Variants in CCDC110 observed in about 807,000 individuals in gnomAD.
The protein encoded by CCDC110 is coiled-coil domain-containing protein 110.
CCDC110 carries 70 observed loss-of-function variants against 77.1 expected under a neutral mutation model. The ratio of observed to expected loss-of-function variants is 0.91; its 90% CI spans 0.75 to 1.11. The LOEUF is 1.11. Ranked by LOEUF, CCDC110 falls within the 50% of genes least tolerant of loss-of-function variation. The probability of loss-of-function intolerance (pLI) is 0.00; values close to 1 mark genes in which losing one functional copy is unlikely to be tolerated. For missense variants in CCDC110, 868 were observed against 942.9 expected (o/e 0.92, Z 1.04); for synonymous variants, 295 against 312.5 (o/e 0.94, Z 0.59).
rs772827515 is a variant in CCDC110, at chr4:185,459,466, T to C, written c.1121A>G (p.His374Arg). ...CAGTGTGTATCTTGGAACTCTGGAA[T>C]GGAATTTTAAATCTGTAATATTTTT... ...TGKNITDLKFHSRVPRYTLSF... is the reference protein window; with the variant it reads ...TGKNITDLKFRSRVPRYTLSF... The change falls in exon 6 of 7, where the codon CAT becomes CGT. Residue 374 changes from histidine to arginine, a missense_variant. Physicochemically the swap from His to Arg is conservative, Grantham distance 29. Coordinates refer to ENST00000307588, the MANE Select transcript of CCDC110 (RefSeq NM_152775.4). The C allele has an allele frequency of 6.8e-6, 11 of 1,613,750 alleles. No individual in the cohort carries two copies. The highest frequency in any genetic ancestry group is 6.6e-5 in the South Asian group (6 of 91,056).
intron 6 of CCDC110, chr4:185,452,464 T>G: frequency 5.2e-6 from 4 of 770,620 alleles, no homozygotes; most frequent in Non-Finnish European, 6.3e-6. Flanking sequence ...TGATAAGAAC[T>G]GGAGAGAAAG....
chr4:185,453,844 G>A (rs1352261576), intron 6 of CCDC110, among the ~76,000 whole-genome samples: 3 of 139,866 alleles, frequency 2.1e-5, no homozygotes, highest in South Asian at 2.2e-4. Flanking sequence ...ACGGAGTTTC[G>A]CTCTTGTTGC....
intron 6 of CCDC110, among the ~76,000 whole-genome samples, chr4:185,447,657 C>T (rs1003911680): frequency 6.6e-5 from 10 of 150,940 alleles, no homozygotes; most frequent in African/African-American, 2.2e-4. Context: ...GCCATGTATG[C>T]ATCTCATTAG....
chr4:185,447,611 T>A (rs1308889996), intron 6 of CCDC110, among the ~76,000 whole-genome samples: 3 of 152,224 alleles, frequency 2.0e-5, no homozygotes, highest in Non-Finnish European at 2.9e-5. Flanking sequence ...GCTGTGTGTA[T>A]TTCAGTGGCC....
intron 6 of CCDC110, among the ~76,000 whole-genome samples, chr4:185,456,722 TC>T (rs1219132679): frequency 2.0e-5 from 3 of 152,226 alleles, no homozygotes; most frequent in Admixed American, 2.0e-4. Flanking sequence ...TCTGAGTAGT[TC>T]TATATTAATA....
chr4:185,463,072 C>G (rs945006700), intron 2 of CCDC110, 23 bp from the exon 3 acceptor site: 4 of 1,589,228 alleles, frequency 2.5e-6, no homozygotes, highest in Middle Eastern at 1.7e-4. Flanking sequence ...ATTGAAAAAC[C>G]ATGTGACTTA....
chr4:185,457,238 T>C (rs759677414), intron 6 of CCDC110: 2 of 455,766 alleles, frequency 4.4e-6, no homozygotes. Flanking sequence ...AGACAGAGTG[T>C]CTCTGGAGCA....
rs777660249 is a variant in CCDC110 at position 185,460,114 on chromosome 4, A to C, written c.473T>G (p.Val158Gly). 25 of 1,613,610 alleles carry C rather than the reference A, an allele frequency of 1.5e-5. No individual in the cohort carries two copies. Among genetic ancestry groups the C allele is most frequent in the South Asian group, 2.2e-5 (2 of 91,082 alleles). ...GDSVNSLPQS[V>G]NVPSQIHSED... ...GGAATGTATCTGGGATGGAACATTTACACTTTGAGGGAGACTGTTCACACT... is the reference window on the plus strand; with the variant it reads ...GGAATGTATCTGGGATGGAACATTTCCACTTTGAGGGAGACTGTTCACACT... The change falls in exon 6 of 7, where the codon GTA becomes GGA. Residue 158 changes from valine to glycine, a missense_variant. By Grantham distance (109) the Val-to-Gly change is moderately radical (BLOSUM62 -3). Coordinates refer to ENST00000307588, the MANE Select transcript of CCDC110 (RefSeq NM_152775.4).
rs1165881767 is a variant in CCDC110, at chr4:185,459,452, T to A, written c.1135A>T (p.Arg379Ter). The A allele has an allele frequency of 8.1e-6, 13 of 1,613,594 alleles. No individual in the cohort carries two copies. The highest frequency in any genetic ancestry group is 1.1e-5 in the Non-Finnish European group (13 of 1,179,636). The change falls in exon 6 of 7, where the codon AGA (arginine) becomes TGA (stop). Residue 379 changes from arginine to a stop codon, truncating the protein, a stop_gained. Coordinates refer to ENST00000307588, the MANE Select transcript of CCDC110 (RefSeq NM_152775.4). LOFTEE classifies it high-confidence loss of function. The stretch of plus-strand genomic sequence containing the variant: ...TGGTCGAGGAAGGACAGTGTGTATC[T>A]TGGAACTCTGGAATGGAATTTTAAA... ...TDLKFHSRVP[R>*]YTLSFLDQTK...
At chr4:185,466,443 CCGAA>C (rs1380351690) in intron 2 of CCDC110, among the ~76,000 whole-genome samples, 2 of 152,048 alleles carry the variant, frequency 1.3e-5, no homozygotes, top group African/African-American at 4.8e-5. Context: ...GCATAGAAGC[CCGAA>C]CGAAGTGCTT....
chr4:185,459,784 G>A lies in CCDC110; in HGVS notation c.803C>T (p.Thr268Ile). ...GTGAACATCTGGATCAGTTTGTAAA[G>A]TCTGAAGTTCATTTGTAAGTGCCAC... ...GEVALTNELQ[T>I]LQTDPDVHRN... The change falls in exon 6 of 7, where the codon ACT (threonine) becomes ATT (isoleucine). Residue 268 changes from threonine (T) to isoleucine (I), a missense_variant. Coordinates refer to ENST00000307588, the MANE Select transcript of CCDC110 (RefSeq NM_152775.4). 6.2e-7 allele frequency: 1 copy of A among 1,613,688 alleles called. No individual in the cohort carries two copies. Among genetic ancestry groups the A allele is most frequent in the Non-Finnish European group, 8.5e-7 (1 of 1,179,880 alleles).
At chr4:185,456,676 T>C (rs942518593) in intron 6 of CCDC110, among the ~76,000 whole-genome samples, 2 of 152,070 alleles carry the variant, frequency 1.3e-5, no homozygotes, top group Non-Finnish European at 2.9e-5. Flanking sequence ...CCTCAGAACA[T>C]ACAAAATTGT....
chr4:185,462,161 C>A (rs913252297), intron 4 of CCDC110, among the ~76,000 whole-genome samples: 1 of 152,200 alleles, frequency 6.6e-6, no homozygotes, highest in Non-Finnish European at 1.5e-5. Context: ...GACCTTCTAG[C>A]AGATCTTCTG....
At chr4:185,470,564 A>T in intron 2 of CCDC110, 1 of 421,734 alleles carries the variant, frequency 2.4e-6, no homozygotes, top group Non-Finnish European at 4.8e-6. Flanking sequence ...TGTCCAAAAA[A>T]CTCAACAATT....
At chr4:185,469,215 T>A (rs1248760077) in intron 2 of CCDC110, among the ~76,000 whole-genome samples, 1 of 152,140 alleles carries the variant, frequency 6.6e-6, no homozygotes, top group Non-Finnish European at 1.5e-5. Flanking sequence ...AATGAAAGCA[T>A]CAGTAGGAGA....
Position 185,460,843 on chromosome 4 carries a change from C to T in CCDC110, c.348+206G>A, listed in dbSNP as rs778188785. On this transcript the variant is annotated intron_variant, in intron 5 of 6. Transcript: ENST00000307588. Reference sequence around the variant, plus strand: ...TCTGGACTAAGTCAAATGTCCCTCACAGACTCTTAAGAGAAATGGGAAAAC... The same window carrying T: ...TCTGGACTAAGTCAAATGTCCCTCATAGACTCTTAAGAGAAATGGGAAAAC... 21 of 494,604 alleles carry T rather than the reference C, an allele frequency of 4.2e-5. 1 individual carries two copies. Among genetic ancestry groups the T allele is most frequent in the Non-Finnish European group, 7.3e-5 (19 of 260,552 alleles). The allele number at this position is 494,604 out of a possible 1,614,324, so 30.6% of individuals were successfully genotyped here.
chr4:185,448,325 C>T (rs773983642), intron 6 of CCDC110, among the ~76,000 whole-genome samples: 6 of 152,146 alleles, frequency 3.9e-5, no homozygotes, highest in African/African-American at 7.2e-5. Context: ...TGAGCCACTG[C>T]GCCCGGTCAG....
intron 2 of CCDC110, among the ~76,000 whole-genome samples, chr4:185,469,941 C>T (rs1467409437): frequency 6.6e-6 from 1 of 152,198 alleles, no homozygotes; most frequent in African/African-American, 2.4e-5. Context: ...GGGCATGGCA[C>T]ATCAGTCTAG....
At chr4:185,455,626 G>A (rs2095634903) in intron 6 of CCDC110, among the ~76,000 whole-genome samples, 1 of 152,204 alleles carries the variant, frequency 6.6e-6, no homozygotes, top group African/African-American at 2.4e-5. Context: ...GCTTATGCCT[G>A]TAATCCCAGC....
Sources: gnomAD v4.1 joint callset for allele counts (sites outside exome capture counted in the v4.1 genomes callset) on GRCh38, gnomAD v4.1.1 for gene constraint, MANE v1.5 for transcripts, NCBI Gene and HGNC (gene_info 2026-07-23, HGNC 2026-07-21) for gene names.